Variants in CLNK observed in about 807,000 individuals in gnomAD.
The protein encoded by CLNK is cytokine dependent hematopoietic cell linker.
CLNK carries 74 observed loss-of-function variants against 68.6 expected under a neutral mutation model. The ratio of observed to expected loss-of-function variants is 1.08; its 90% CI spans 0.89 to 1.31. CLNK has a LOEUF of 1.31. CLNK is among the 50% of genes most tolerant of loss of function. The pLI is 0.00. For missense variants in CLNK, 553 were observed against 515.3 expected (o/e 1.07, Z -0.71); for synonymous variants, 198 against 172.2 (o/e 1.15, Z -1.17).
chr4:10,697,828 G>A, the CLNK span, among the ~76,000 whole-genome samples: 12 of 152,226 alleles, frequency 7.9e-5, no homozygotes, highest in East Asian at 2.3e-3. Context: ...TCGAACAATA[G>A]CCACCTTGCC....
chr4:10,616,790 G>GTGTGTGTGTATATA (rs1369047138), intron 2 of CLNK, among the ~76,000 whole-genome samples: 3 of 64,360 alleles, frequency 4.7e-5, no homozygotes, highest in African/African-American at 8.4e-5. Flanking sequence ...GTGTGTGTGT[G>GTGTGTGTGTATATA]TATATATATA....
chr4:10,669,669 C>T (rs2108894904), intron 1 of CLNK, among the ~76,000 whole-genome samples: 1 of 152,296 alleles, frequency 6.6e-6, no homozygotes, highest in South Asian at 2.1e-4. Context: ...TGATCTTCAA[C>T]CCATACTCAT....
intron 2 of CLNK, among the ~76,000 whole-genome samples, chr4:10,619,742 T>C (rs1722360477): frequency 6.6e-6 from 1 of 152,120 alleles, no homozygotes; most frequent in Non-Finnish European, 1.5e-5. Context: ...CAGCATGGTG[T>C]GCTATGTGAT....
intron 14 of CLNK, among the ~76,000 whole-genome samples, chr4:10,521,549 T>C (rs1401320890): frequency 6.6e-6 from 1 of 152,246 alleles, no homozygotes. Flanking sequence ...ACTGTGCTAT[T>C]GACTAAAGCC....
chr4:10,550,116 A>C (rs1236388008), intron 8 of CLNK, among the ~76,000 whole-genome samples: 1 of 152,224 alleles, frequency 6.6e-6, no homozygotes, highest in Admixed American at 6.5e-5. Context: ...TGTTCTTTGG[A>C]GTGGCTGCTG....
chr4:10,701,883 G>A, the CLNK span, among the ~76,000 whole-genome samples: 1 of 152,212 alleles, frequency 6.6e-6, no homozygotes, highest in Non-Finnish European at 1.5e-5. Flanking sequence ...AGTGGTCAGT[G>A]GGAGAAAGCG....
At chr4:10,630,778 C>T (rs563406482) in intron 2 of CLNK, among the ~76,000 whole-genome samples, 1 of 152,294 alleles carries the variant, frequency 6.6e-6, no homozygotes, top group African/African-American at 2.4e-5. Flanking sequence ...TTATGAGGTA[C>T]TTACCACAGC....
At chr4:10,690,452 T>C in the CLNK span, among the ~76,000 whole-genome samples, 1 of 152,128 alleles carries the variant, frequency 6.6e-6, no homozygotes, top group Admixed American at 6.5e-5. Context: ...TATGTGAATG[T>C]AGAAAGAGCT....
intron 18 of CLNK, among the ~76,000 whole-genome samples, chr4:10,496,872 G>T (rs1369798663): frequency 6.6e-6 from 1 of 152,190 alleles, no homozygotes; most frequent in African/African-American, 2.4e-5. Flanking sequence ...TATTTAAACC[G>T]CAGAAAATTC....
intron 2 of CLNK, among the ~76,000 whole-genome samples, chr4:10,637,438 G>T (rs371608296): frequency 2.4e-4 from 30 of 124,158 alleles, no homozygotes; most frequent in South Asian, 2.7e-4. Context: ...AATAAAAAAA[G>T]TTTTTTTTTT....
At chr4:10,543,528 G>A (rs1003870776) in intron 8 of CLNK, among the ~76,000 whole-genome samples, 2 of 152,166 alleles carry the variant, frequency 1.3e-5, no homozygotes, top group Non-Finnish European at 2.9e-5. Flanking sequence ...GTCCCGTGGT[G>A]CCTGGGCGCA....
chr4:10,596,489 A>G (rs1206010267), intron 3 of CLNK, among the ~76,000 whole-genome samples: 1 of 152,242 alleles, frequency 6.6e-6, no homozygotes, highest in East Asian at 1.9e-4. Flanking sequence ...TCTTATCATC[A>G]TCAAATATTG....
intron 2 of CLNK, among the ~76,000 whole-genome samples, chr4:10,621,362 G>A (rs1211561041): frequency 1.3e-5 from 2 of 152,160 alleles, no homozygotes; most frequent in Non-Finnish European, 2.9e-5. Flanking sequence ...GAAGATAGCT[G>A]ACATGTATTA....
chr4:10,726,924 G>A, the CLNK span, among the ~76,000 whole-genome samples: 1 of 152,192 alleles, frequency 6.6e-6, no homozygotes, highest in Non-Finnish European at 1.5e-5. Context: ...AGACATGTAT[G>A]TGTAATACGT....
At chr4:10,716,643 T>C in the CLNK span, among the ~76,000 whole-genome samples, 8 of 150,428 alleles carry the variant, frequency 5.3e-5, no homozygotes, top group Non-Finnish European at 1.2e-4. Flanking sequence ...TTTCCCTCTC[T>C]ACCAAAAGGA....
At chr4:10,538,147 T>TCTCTGTTGCC (rs975061139) in intron 11 of CLNK, among the ~76,000 whole-genome samples, 6 of 152,204 alleles carry the variant, frequency 3.9e-5, no homozygotes, top group Non-Finnish European at 7.3e-5. Context: ...AGACAGTCTC[T>TCTCTGTTGCC]CTCTGTTGCC....
At chr4:10,494,963 T>G (rs1247180247) in intron 18 of CLNK, among the ~76,000 whole-genome samples, 1 of 152,110 alleles carries the variant, frequency 6.6e-6, no homozygotes, top group African/African-American at 2.4e-5. Flanking sequence ...TGGGCGATGT[T>G]TCCTTGCCAG....
the CLNK span, among the ~76,000 whole-genome samples, chr4:10,709,649 C>T: frequency 2.0e-5 from 3 of 152,086 alleles, no homozygotes; most frequent in Non-Finnish European, 4.4e-5. Context: ...ATCTAGATGC[C>T]TTGTAACTTG....
the CLNK span, among the ~76,000 whole-genome samples, chr4:10,690,716 G>A: frequency 9.6e-4 from 146 of 152,172 alleles, no homozygotes; most frequent in African/African-American, 3.3e-3. Flanking sequence ...CATTATCGCT[G>A]TTATACTTTT....
Sources: allele counts gnomAD v4.1 joint callset (sites outside exome capture counted in the v4.1 genomes callset), GRCh38; gene constraint gnomAD v4.1.1; transcripts MANE v1.5; gene names NCBI Gene and HGNC (gene_info 2026-07-23, HGNC 2026-07-21).